SEC16B: variants seen among roughly 807,000 people sequenced by gnomAD.
SEC16B encodes SEC16 homolog B, endoplasmic reticulum export factor.
Under a neutral mutation model 141.8 loss-of-function variants are expected in SEC16B, and 115 were observed. That is an observed-to-expected ratio of 0.81 (90% confidence interval 0.70 to 0.95). The LOEUF is 0.95. SEC16B is among the 40% of genes least tolerant of loss of function. The pLI, the probability that SEC16B is intolerant of heterozygous loss-of-function variation, is 0.00. For missense variants in SEC16B, 1,291 were observed against 1,312.3 expected, an observed-to-expected ratio of 0.98 and a Z score of 0.25; for synonymous variants, 493 against 492.5, an observed-to-expected ratio of 1.00 and a Z score of -0.01.
rs369332659 is a variant in SEC16B, at chr1:177,933,508, G to C, written c.2700C>G (p.Leu900=). 6.2e-7 allele frequency: 1 copy of C among 1,613,486 alleles called. No homozygotes were observed. Among genetic ancestry groups the C allele is most frequent in the African/African-American group, 1.3e-5 (1 of 74,918 alleles). ...CCTTTGTATGCTCCTTCCCATCTCC[G>C]AGCTTGCCTCTCTGGGCAGTATTTC... ...SPRNTAQRGK[L]GDGKEHTKSS... The change falls in exon 21 of 26, where the codon CTC becomes CTG. Residue 900 remains leucine (L), a synonymous_variant. Transcript: ENST00000308284.
intron 10 of SEC16B, among the ~76,000 whole-genome samples, chr1:177,955,967 A>G (rs1652568645): frequency 6.6e-6 from 1 of 152,252 alleles, no homozygotes. Flanking sequence ...TTATCAGTAG[A>G]AAACTATGCC....
intron 1 of SEC16B, among the ~76,000 whole-genome samples, chr1:177,968,715 C>A (rs1395950251): frequency 6.6e-6 from 1 of 152,126 alleles, no homozygotes; most frequent in Admixed American, 6.5e-5. Flanking sequence ...TTTCAAGAAG[C>A]ACCTTTTCTG....
chr1:177,932,619 C>T, intron 23 of SEC16B, 50 bp from the exon 24 acceptor site: 2 of 1,502,178 alleles, frequency 1.3e-6, no homozygotes, highest in South Asian at 1.4e-5. Context: ...ACTGGGGGTC[C>T]CCACTCCCAG....
chr1:177,966,394 C>A (rs1195490485), intron 2 of SEC16B, among the ~76,000 whole-genome samples: 1 of 152,136 alleles, frequency 6.6e-6, no homozygotes, highest in Non-Finnish European at 1.5e-5. Flanking sequence ...CTCCAATACA[C>A]CACCGTAATT....
chr1:177,983,450 C>T (rs1654502586), intron 1 of SEC16B, among the ~76,000 whole-genome samples: 1 of 152,002 alleles, frequency 6.6e-6, no homozygotes, highest in African/African-American at 2.4e-5. Flanking sequence ...AATAAGTTAA[C>T]CGTACTCAGG....
intron 7 of SEC16B, 79 bp from the exon 8 acceptor site, chr1:177,960,482 C>T: frequency 9.9e-7 from 1 of 1,013,712 alleles, no homozygotes; most frequent in South Asian, 1.4e-5. Flanking sequence ...GTGTCAGACC[C>T]CAAGGCCGTG....
chr1:177,947,773 G>GT, intron 13 of SEC16B, 52 bp downstream of exon 13: 5 of 1,104,956 alleles, frequency 4.5e-6, no homozygotes, highest in South Asian at 1.3e-5. Flanking sequence ...GGGAGGGGAG[G>GT]GGAGGGAAGG....
chr1:177,983,504 T>C (rs1477982263), intron 1 of SEC16B, among the ~76,000 whole-genome samples: 1 of 150,390 alleles, frequency 6.6e-6, no homozygotes, highest in East Asian at 2.0e-4. Context: ...GAGCTGAACA[T>C]CAGAGTAAAA....
chr1:177,965,027 G>A lies in SEC16B; in HGVS notation c.533+20C>T. 1.2e-6 allele frequency: 2 copies of A among 1,612,026 alleles called. No homozygotes were observed. Among genetic ancestry groups the A allele is most frequent in the South Asian group, 2.2e-5 (2 of 90,586 alleles). ...AGTTTGACAACATCATGTCAAACTG[G>A]CCTCTCCTTTCACACTTACTGGAAG... On this transcript the variant is annotated intron_variant, in intron 4 of 25. Coordinates refer to ENST00000308284, the MANE Select transcript of SEC16B (RefSeq NM_033127.4).
Position 177,965,029 on chromosome 1 carries a change from C to T in SEC16B, c.533+18G>A, listed in dbSNP as rs766016301. 3.1e-6 allele frequency: 5 copies of T among 1,612,434 alleles called. No homozygotes were observed. The South Asian group carries it at 3.3e-5, about 11-fold the overall frequency. ...TTTGACAACATCATGTCAAACTGGC[C>T]TCTCCTTTCACACTTACTGGAAGTG... On this transcript the variant is annotated intron_variant, in intron 4 of 25. Coordinates refer to ENST00000308284, the MANE Select transcript of SEC16B (RefSeq NM_033127.4).
chr1:177,948,984 G>C (rs1651956698), intron 12 of SEC16B, among the ~76,000 whole-genome samples: 2 of 151,192 alleles, frequency 1.3e-5, no homozygotes, highest in African/African-American at 4.9e-5. Flanking sequence ...GAGGTGATTT[G>C]CATAGCCGCC....
Position 177,967,787 on chromosome 1 carries a change from G to A in SEC16B, c.195C>T (p.Asp65=). 1.2e-6 allele frequency: 2 copies of A among 1,613,988 alleles called. No homozygotes were observed. Among genetic ancestry groups the A allele is most frequent in the African/African-American group, 1.3e-5 (1 of 75,054 alleles). Residue 65 remains aspartate, a synonymous_variant, in exon 2 of 26, where the codon GAC becomes GAT. Transcript: ENST00000308284. ...ATGCATAATGGGGCTGCTGCTGATG[G>A]TCTGCCCTGGGCTCCTGCTGTGGCT... is the stretch of plus-strand genomic sequence containing the variant. The part of the protein sequence containing the change: ...SPQPQQEPRA[D]HQQQPHYASR...
intron 12 of SEC16B, among the ~76,000 whole-genome samples, chr1:177,950,152 A>T (rs371174137): frequency 6.8e-5 from 1 of 14,652 alleles, no homozygotes; most frequent in Non-Finnish European, 1.2e-4. Flanking sequence ...TAAGAAGGAT[A>T]AAAAAAAAAA....
upstream of SEC16B, among the ~76,000 whole-genome samples, chr1:177,970,791 A>G (rs1653909817): frequency 6.6e-6 from 1 of 152,224 alleles, no homozygotes; most frequent in Non-Finnish European, 1.5e-5. Context: ...TTCTGAATTA[A>G]TATTTTAAAA....
At chr1:177,945,093 AG>A (rs1164033488) in intron 14 of SEC16B, among the ~76,000 whole-genome samples, 1 of 152,180 alleles carries the variant, frequency 6.6e-6, no homozygotes, top group Non-Finnish European at 1.5e-5. Context: ...CGCACAAAAG[AG>A]GGGAGCCATG....
At chr1:177,930,761 T>C in intron 24 of SEC16B, 118 bp from the exon 25 acceptor site, 1 of 673,230 alleles carries the variant, frequency 1.5e-6, no homozygotes. Context: ...TTCTTTAAGT[T>C]CCTTATCGAC....
chr1:177,954,750 A>G (rs1178284838), intron 10 of SEC16B, among the ~76,000 whole-genome samples: 1 of 152,130 alleles, frequency 6.6e-6, no homozygotes, highest in Non-Finnish European at 1.5e-5. Context: ...AAGTGTTCTC[A>G]TTAGAAAAAA....
At chr1:177,974,254 T>C (rs1654079378), upstream of SEC16B, among the ~76,000 whole-genome samples, 1 of 152,150 alleles carries the variant, frequency 6.6e-6, no homozygotes, top group Non-Finnish European at 1.5e-5. Context: ...CAATAAGTAG[T>C]TCACTGTAAT....
intron 18 of SEC16B, 129 bp downstream of exon 18, chr1:177,939,573 G>A (rs953026727): frequency 1.1e-5 from 8 of 746,362 alleles, no homozygotes; most frequent in African/African-American, 5.4e-5. Flanking sequence ...TGGACAACGG[G>A]GCGGACTTAC....
Sources: allele counts gnomAD v4.1 joint callset (sites outside exome capture counted in the v4.1 genomes callset), GRCh38; gene constraint gnomAD v4.1.1; transcripts MANE v1.5; gene names NCBI Gene and HGNC (gene_info 2026-07-23, HGNC 2026-07-21).